RNLS: variants seen among roughly 807,000 people sequenced by gnomAD.
RNLS encodes the protein renalase, FAD dependent amine oxidase, also known as renalase.
A neutral mutation model predicts 39.8 loss-of-function variants in RNLS; 39 were observed. That is an observed-to-expected ratio of 0.98 (90% CI 0.76 to 1.28). RNLS has a LOEUF of 1.28. Ranked by LOEUF, RNLS falls within the 50% of genes most tolerant of loss-of-function variation. The pLI, the probability that RNLS is intolerant of heterozygous loss-of-function variation, is 0.00. For synonymous variants in RNLS, 147 were observed against 150.7 expected, an observed-to-expected ratio of 0.98 and a Z score of 0.18; for missense variants, 410 against 413.3, an observed-to-expected ratio of 0.99 and a Z score of 0.07.
At chr10:88,201,637 A>T in the RNLS span, among the ~76,000 whole-genome samples, 1 of 152,078 alleles carries the variant, frequency 6.6e-6, no homozygotes, top group Non-Finnish European at 1.5e-5. Context: ...CAAGGAGCAG[A>T]GAGGTGAATC....
At chr10:88,325,512 A>T (rs1289555633) in intron 5 of RNLS, among the ~76,000 whole-genome samples, 1 of 152,206 alleles carries the variant, frequency 6.6e-6, no homozygotes, top group Admixed American at 6.5e-5. Context: ...AAATACTTAC[A>T]ATCAAAAGCT....
chr10:88,329,756 C>A (rs1846947195), intron 5 of RNLS, among the ~76,000 whole-genome samples: 1 of 151,906 alleles, frequency 6.6e-6, no homozygotes, highest in Non-Finnish European at 1.5e-5. Context: ...GTTCACCATT[C>A]TCCTTACATC....
intron 5 of RNLS, among the ~76,000 whole-genome samples, chr10:88,328,529 CA>C (rs1564698771): frequency 6.6e-6 from 1 of 151,962 alleles, no homozygotes; most frequent in Non-Finnish European, 1.5e-5. Flanking sequence ...TTTTTAAATT[CA>C]AAAAAGTCTT....
chr10:88,327,095 C>T (rs181917645), intron 5 of RNLS, among the ~76,000 whole-genome samples: 3 of 152,210 alleles, frequency 2.0e-5, no homozygotes, highest in East Asian at 1.9e-4. Context: ...TTTACAGGCT[C>T]GTAGGTGGAA....
chr10:88,335,677 A>G (rs3781201), intron 5 of RNLS, among the ~76,000 whole-genome samples: 32,081 of 152,196 alleles, frequency 0.21, 3,598 homozygotes, highest in East Asian at 0.34. Context: ...GGTGGAATGT[A>G]GTGGTAACGC....
intron 4 of RNLS, among the ~76,000 whole-genome samples, chr10:88,383,544 T>A (rs1851677801): frequency 6.6e-6 from 1 of 152,164 alleles, no homozygotes; most frequent in South Asian, 2.1e-4. Flanking sequence ...GCAGCAGATA[T>A]ATCTTTTGAG....
At chr10:88,494,969 G>T (rs1274353373) in intron 4 of RNLS, among the ~76,000 whole-genome samples, 1 of 152,062 alleles carries the variant, frequency 6.6e-6, no homozygotes, top group Non-Finnish European at 1.5e-5. Flanking sequence ...AAAAGTCCAG[G>T]CATCCTTCCC....
intron 4 of RNLS, among the ~76,000 whole-genome samples, chr10:88,390,557 G>T (rs748213144): frequency 6.6e-5 from 10 of 152,116 alleles, no homozygotes; most frequent in Non-Finnish European, 7.4e-5. Flanking sequence ...CATTTAGTCA[G>T]CTTGTTGGTT....
chr10:88,220,240 C>T, the RNLS span, among the ~76,000 whole-genome samples: 2 of 152,194 alleles, frequency 1.3e-5, no homozygotes, highest in Non-Finnish European at 2.9e-5. Context: ...CCACCCACGG[C>T]TATATACTTT....
At chr10:88,317,822 GA>G (rs377463308) in intron 5 of RNLS, among the ~76,000 whole-genome samples, 26 of 151,154 alleles carry the variant, frequency 1.7e-4, no homozygotes, top group African/African-American at 5.8e-4. Context: ...CTGAGATGCA[GA>G]AAAAAAAAGC....
the RNLS span, among the ~76,000 whole-genome samples, chr10:88,213,097 C>T: frequency 6.6e-6 from 1 of 152,136 alleles, no homozygotes; most frequent in Non-Finnish European, 1.5e-5. Flanking sequence ...GGACTAGTTG[C>T]GGTTTGGGAG....
intron 4 of RNLS, among the ~76,000 whole-genome samples, chr10:88,370,889 G>C (rs936812678): frequency 6.6e-6 from 1 of 152,106 alleles, no homozygotes; most frequent in Non-Finnish European, 1.5e-5. Flanking sequence ...TGTTAACTTG[G>C]ACTCTATAGG....
chr10:88,577,985 T>C (rs1159800200), intron 3 of RNLS, among the ~76,000 whole-genome samples: 4 of 152,170 alleles, frequency 2.6e-5, no homozygotes, highest in East Asian at 3.8e-4. Context: ...GTCCATCAGA[T>C]TGTGGGGTTT....
chr10:88,538,922 C>T (rs1847908448), intron 4 of RNLS, among the ~76,000 whole-genome samples: 1 of 152,078 alleles, frequency 6.6e-6, no homozygotes, highest in Admixed American at 6.6e-5. Context: ...TAGGGTGTCT[C>T]CCAGATTTAT....
chr10:88,306,675 A>G (rs1048529460), intron 6 of RNLS, among the ~76,000 whole-genome samples: 1 of 152,170 alleles, frequency 6.6e-6, no homozygotes, highest in African/African-American at 2.4e-5. Flanking sequence ...TCTGAAGTTG[A>G]GTCAGTAACA....
chr10:88,447,533 T>G (rs1842110718), intron 4 of RNLS, among the ~76,000 whole-genome samples: 1 of 152,070 alleles, frequency 6.6e-6, no homozygotes, highest in Non-Finnish European at 1.5e-5. Context: ...AGAAGAACAT[T>G]CCATGCTCAT....
intron 4 of RNLS, among the ~76,000 whole-genome samples, chr10:88,438,611 C>A (rs1049215778): frequency 6.6e-6 from 1 of 152,304 alleles, no homozygotes; most frequent in Admixed American, 6.5e-5. Context: ...TCCTTTCTTT[C>A]CCTCTCTCTC....
At chr10:88,465,885 G>A (rs1245827500) in intron 4 of RNLS, among the ~76,000 whole-genome samples, 1 of 152,024 alleles carries the variant, frequency 6.6e-6, no homozygotes, top group African/African-American at 2.4e-5. Flanking sequence ...TCACACTTGT[G>A]TAAGGTATTT....
intron 4 of RNLS, among the ~76,000 whole-genome samples, chr10:88,365,281 C>T (rs960251774): frequency 6.6e-6 from 1 of 151,800 alleles, no homozygotes; most frequent in Non-Finnish European, 1.5e-5. Context: ...GCAAGGCGGG[C>T]AAGATCTTAA....
Sources: gnomAD v4.1 joint callset for allele counts (sites outside exome capture counted in the v4.1 genomes callset) on GRCh38, gnomAD v4.1.1 for gene constraint, MANE v1.5 for transcripts, NCBI Gene and HGNC (gene_info 2026-07-23, HGNC 2026-07-21) for gene names.